Variants in ARHGAP23 observed in about 807,000 individuals in gnomAD.
The protein encoded by ARHGAP23 is Rho GTPase activating protein 23.
A neutral mutation model predicts 136.3 loss-of-function variants in ARHGAP23; 34 were observed. The observed-to-expected ratio is 0.25, with a 90% CI of 0.19 to 0.33. The LOEUF (loss-of-function observed/expected upper bound fraction) is 0.33, where lower values mean the gene tolerates loss of function less well. ARHGAP23 is among the 10% of genes least tolerant of loss of function. The pLI is 1.00. For missense variants in ARHGAP23, 1,808 were observed against 2,139.0 expected (o/e 0.85, Z 3.05); for synonymous variants, 832 against 920.5 (o/e 0.90, Z 1.74).
At chr17:38,473,606 C>T (rs769932107) in intron 11 of ARHGAP23, among the ~76,000 whole-genome samples, 89 of 149,632 alleles carry the variant, frequency 5.9e-4, no homozygotes, top group Non-Finnish European at 9.6e-4. Context: ...GGGCTCCTGT[C>T]GCTCCTGTTG....
chr17:38,441,422 C>A (rs1314799316), intron 1 of ARHGAP23, among the ~76,000 whole-genome samples: 1 of 152,198 alleles, frequency 6.6e-6, no homozygotes, highest in African/African-American at 2.4e-5. Flanking sequence ...TCTCTTTCCC[C>A]CTTCCCCTCC....
At position 38,472,065 on chromosome 17, in the gene ARHGAP23, C is replaced by T. The variant is rs535164859; in HGVS notation, c.2118+59C>T. 33 of 1,405,706 alleles carry T rather than the reference C, an allele frequency of 2.3e-5. No individual in the cohort carries two copies. In the Middle Eastern group the frequency reaches 7.6e-4, roughly 32 times the overall value. The allele number at this position is 1,405,706 out of a possible 1,614,324, so 87.1% of individuals were successfully genotyped here. ...CTCCAGCAGAACCCTCCAGCCTCTC[C>T]TAGGCCTACCCTGACAGCCTCTGGA... On this transcript the variant is annotated intron_variant, in intron 11 of 23. Transcript: ENST00000622683.
At chr17:38,459,252 G>A (rs973019904) in intron 2 of ARHGAP23, among the ~76,000 whole-genome samples, 4 of 152,196 alleles carry the variant, frequency 2.6e-5, no homozygotes, top group Non-Finnish European at 5.9e-5. Context: ...CACTGTCTGT[G>A]TTCGTGTGCT....
chr17:38,454,435 G>T (rs12453294), intron 1 of ARHGAP23, among the ~76,000 whole-genome samples: 1 of 152,130 alleles, frequency 6.6e-6, no homozygotes, highest in Non-Finnish European at 1.5e-5. Flanking sequence ...GGACCAGAGC[G>T]TTTGAAGAGA....
intron 2 of ARHGAP23, among the ~76,000 whole-genome samples, chr17:38,459,124 A>G (rs1231096400): frequency 6.6e-6 from 1 of 152,140 alleles, no homozygotes; most frequent in South Asian, 2.1e-4. Context: ...GGGAGGAGAC[A>G]CTGATTTTGC....
chr17:38,473,960 GC>G (rs1323351956), intron 11 of ARHGAP23, among the ~76,000 whole-genome samples: 2 of 152,160 alleles, frequency 1.3e-5, no homozygotes, highest in South Asian at 2.1e-4. Flanking sequence ...TCACTCTGTT[GC>G]CCAGGCTGGA....
At chr17:38,454,022 G>T (rs1388264319) in intron 1 of ARHGAP23, 1 of 147,194 alleles carries the variant, frequency 6.8e-6, no homozygotes, top group Non-Finnish European at 1.5e-5. Flanking sequence ...GCGGGGGCCG[G>T]GGGCTGGCGC....
intron 1 of ARHGAP23, among the ~76,000 whole-genome samples, chr17:38,436,127 A>G (rs2038791644): frequency 6.6e-6 from 1 of 152,028 alleles, no homozygotes; most frequent in African/African-American, 2.4e-5. Context: ...GGCGAGGGGG[A>G]CAGCTGAGGT....
chr17:38,429,069 C>A (rs2038629310), intron 1 of ARHGAP23, among the ~76,000 whole-genome samples: 1 of 151,692 alleles, frequency 6.6e-6, no homozygotes, highest in Non-Finnish European at 1.5e-5. Flanking sequence ...GGTCGGACTG[C>A]GGGACGGGTT....
intron 21 of ARHGAP23, among the ~76,000 whole-genome samples, 178 bp from the exon 22 acceptor site, chr17:38,498,236 T>C (rs752089127): frequency 5.9e-5 from 9 of 152,212 alleles, no homozygotes; most frequent in Admixed American, 1.3e-4. Flanking sequence ...AACTGTCTAA[T>C]AGGGGACATG....
chr17:38,425,839 G>A (rs979970756), upstream of ARHGAP23, among the ~76,000 whole-genome samples: 3 of 151,970 alleles, frequency 2.0e-5, no homozygotes, highest in Non-Finnish European at 4.4e-5. Context: ...ACAGGGTGGG[G>A]GTGCAGGTCA....
chr17:38,508,191 G>A (rs1370753940), intron 23 of ARHGAP23, among the ~76,000 whole-genome samples: 1 of 152,234 alleles, frequency 6.6e-6, no homozygotes, highest in African/African-American at 2.4e-5. Flanking sequence ...CAGGAACATA[G>A]AGAAGTGATC....
Position 38,422,417 on chromosome 17 carries a change from T to A in ARHGAP23, n.120+3018T>A, listed in dbSNP as rs191982403. Among the ~76,000 whole-genome samples the A allele has an allele frequency of 2.1e-3, 317 of 152,278 alleles. 2 individuals are homozygous for A. Among genetic ancestry groups the A allele is most frequent in the African/African-American group, 7.5e-3 (311 of 41,558 alleles). ...AGGCATCTTTGAGCCTCGCGCACAC[T>A]CACTCATACACAGGGTCCGTGCCAC... On this transcript the variant is annotated intron_variant and non_coding_transcript_variant, in intron 1 of 4. Transcript: ENST00000633445.
At chr17:38,455,171 G>A (rs2039293879) in intron 1 of ARHGAP23, among the ~76,000 whole-genome samples, 1 of 152,148 alleles carries the variant, frequency 6.6e-6, no homozygotes, top group Non-Finnish European at 1.5e-5. Context: ...CAGGTCACAG[G>A]GGAGGAGAGG....
Position 38,467,102 on chromosome 17 carries a change from C to T in ARHGAP23, c.1419C>T (p.Pro473=). 4.5e-6 allele frequency: 7 copies of T among 1,550,556 alleles called. No homozygotes were observed. Among genetic ancestry groups the T allele is most frequent in the Non-Finnish European group, 6.1e-6 (7 of 1,146,768 alleles). Residue 473 remains proline (P), a synonymous_variant, in exon 7 of 24, where the codon CCC becomes CCT. Coordinates refer to ENST00000622683, the MANE Select transcript of ARHGAP23 (RefSeq NM_001199417.2). ...CACCCAGGGTTGTACGGCCGGAACC[C>T]AGCACCCGGGCCCTGGAGCCTCCTG... ...SEPPRVVRPE[P]STRALEPPAE... is the part of the protein sequence containing the mutation.
intron 1 of ARHGAP23, among the ~76,000 whole-genome samples, chr17:38,455,957 C>T (rs2039314257): frequency 6.6e-6 from 1 of 152,154 alleles, no homozygotes; most frequent in Admixed American, 6.5e-5. Context: ...ATGTCAAAAC[C>T]CCTGCTGAGA....
intron 7 of ARHGAP23, among the ~76,000 whole-genome samples, chr17:38,468,203 T>C (rs2039658527): frequency 6.6e-6 from 1 of 152,146 alleles, no homozygotes; most frequent in Non-Finnish European, 1.5e-5. Context: ...TGAGGACCCT[T>C]TCAGGCCCAA....
chr17:38,428,602 G>A (rs2038613703), intron 1 of ARHGAP23, 54 bp downstream of exon 1: 4 of 1,253,722 alleles, frequency 3.2e-6, no homozygotes, highest in South Asian at 2.0e-5. Context: ...TGGGGAGCGG[G>A]CTGCCAAGCC....
In ARHGAP23 at chr17:38,482,080, G is replaced by A. The variant is rs2040056954; in HGVS notation, c.2688G>A (p.Lys896=). The stretch of plus-strand genomic sequence containing the variant: ...GCATCAACATCATCAAGAAAAATAA[G>A]AAGGCCGCTCCGAGGGCGTTTGGGG... ...PWGINIIKKN[K]KAAPRAFGVR... Residue 896 remains lysine, a synonymous_variant, in exon 15 of 24, where the codon AAG becomes AAA. Transcript: ENST00000622683. The A allele has an allele frequency of 1.3e-6, 2 of 1,550,054 alleles. No homozygotes were observed. Among genetic ancestry groups the A allele is most frequent in the Admixed American group, 3.9e-5 (2 of 50,768 alleles).
Sources: gnomAD v4.1 joint callset for allele counts (sites outside exome capture counted in the v4.1 genomes callset) on GRCh38, gnomAD v4.1.1 for gene constraint, MANE v1.5 for transcripts, NCBI Gene and HGNC (gene_info 2026-07-23, HGNC 2026-07-21) for gene names.